The following MGAT5 variants were observed in gnomAD, a reference collection of about 807,000 sequenced individuals.
MGAT5 encodes alpha-1,6-mannosylglycoprotein 6-beta-N-acetylglucosaminyltransferase, also known as alpha-1,6-mannosylglycoprotein 6-beta-N-acetylglucosaminyltransferase A.
A neutral mutation model predicts 94.3 loss-of-function variants in MGAT5; 30 were observed. That is an observed-to-expected ratio of 0.32 (90% CI 0.24 to 0.43). MGAT5 has a LOEUF of 0.43. MGAT5 is among the 20% of genes least tolerant of loss of function. MGAT5 has a pLI of 1.00. For missense variants in MGAT5, 691 were observed against 905.5 expected, an observed-to-expected ratio of 0.76 and a Z score of 3.04; for synonymous variants, 310 against 322.9, an observed-to-expected ratio of 0.96 and a Z score of 0.43.
chr2:134,367,034 G>C lies in MGAT5; in HGVS notation c.1380+4626G>C, dbSNP rs146742414. Among the ~76,000 whole-genome samples the C allele has an allele frequency of 3.5e-3, 539 of 152,312 alleles. 3 individuals carry two copies. The highest frequency in any genetic ancestry group is 0.012 in the African/African-American group (501 of 41,560). On this transcript the variant is annotated intron_variant, in intron 10 of 15. Coordinates refer to ENST00000281923, the MANE Select transcript of MGAT5 (RefSeq NM_002410.5). ...CTGTGGTGAGCAGTGGGCTCTGAGA[G>C]GAGGTGAGAGGCACAGTGTCTTCCT... is the stretch of plus-strand genomic sequence containing the variant.
In MGAT5 at chr2:134,428,376, C is replaced by T. The variant is rs747163332; in HGVS notation, c.1806C>T (p.Tyr602=). The T allele has an allele frequency of 6.2e-7, 1 of 1,614,058 alleles. No individual in the cohort carries two copies. The highest frequency in any genetic ancestry group is 8.5e-7 in the Non-Finnish European group (1 of 1,179,936). The part of the protein sequence containing the change: ...KAILNQKIEP[Y]MPYEFTCEGM... ...CTCTGTTTCCACAGATTGAGCCATA[C>T]ATGCCATATGAATTTACGTGCGAGG... Residue 602 remains tyrosine, a synonymous_variant, in exon 14 of 16, where the codon TAC becomes TAT. Coordinates refer to ENST00000281923, the MANE Select transcript of MGAT5 (RefSeq NM_002410.5).
chr2:134,296,614 A>G (rs1010465847), intron 2 of MGAT5, among the ~76,000 whole-genome samples: 2 of 152,188 alleles, frequency 1.3e-5, no homozygotes, highest in Admixed American at 1.3e-4. Context: ...ACAGTAAAAA[A>G]TAGAAAATCT....
intron 2 of MGAT5, among the ~76,000 whole-genome samples, chr2:134,297,154 G>A (rs1685722304): frequency 7.3e-6 from 1 of 137,692 alleles, no homozygotes; most frequent in Non-Finnish European, 1.5e-5. Context: ...CCTTGATTGT[G>A]CCCCTACAGT....
chr2:134,290,417 G>A (rs1294759436), intron 2 of MGAT5, among the ~76,000 whole-genome samples: 1 of 111,248 alleles, frequency 9.0e-6, no homozygotes, highest in Non-Finnish European at 2.1e-5. Context: ...ATTGGGGACT[G>A]ATGATCTAGT....
At chr2:134,436,791 C>T (rs1436845303) in intron 14 of MGAT5, among the ~76,000 whole-genome samples, 1 of 152,204 alleles carries the variant, frequency 6.6e-6, no homozygotes, top group Non-Finnish European at 1.5e-5. Context: ...TTCTGCTCAG[C>T]TCCATGTCTT....
chr2:134,241,705 C>A (rs1681981035), intron 1 of MGAT5, among the ~76,000 whole-genome samples: 1 of 152,074 alleles, frequency 6.6e-6, no homozygotes, highest in East Asian at 1.9e-4. Flanking sequence ...CTATCTTTCT[C>A]ATATATATGT....
At chr2:134,153,297 C>T (rs757918282) in intron 1 of MGAT5, among the ~76,000 whole-genome samples, 2 of 152,196 alleles carry the variant, frequency 1.3e-5, no homozygotes, top group Non-Finnish European at 2.9e-5. Context: ...GAATATTGAT[C>T]CCCTTAAGCC....
chr2:134,395,138 C>T (rs1682634074), intron 10 of MGAT5, among the ~76,000 whole-genome samples: 2 of 152,170 alleles, frequency 1.3e-5, no homozygotes, highest in African/African-American at 4.8e-5. Flanking sequence ...AGGACCATGC[C>T]AATCAGAGTA....
chr2:134,228,582 G>T (rs62165731), intron 1 of MGAT5, among the ~76,000 whole-genome samples: 2,359 of 152,248 alleles, frequency 0.015, 30 homozygotes, highest in Non-Finnish European at 0.026. Context: ...TTTGCAGCTG[G>T]TACAATGTTA....
At chr2:134,214,866 T>C (rs1181001121) in intron 1 of MGAT5, among the ~76,000 whole-genome samples, 3 of 152,126 alleles carry the variant, frequency 2.0e-5, no homozygotes, top group Admixed American at 6.5e-5. Context: ...ATCCCACATG[T>C]AGAGCTTGAT....
Position 134,448,827 on chromosome 2 carries a change from C to T in MGAT5, c.2206C>T (p.Leu736Phe). The change falls in exon 16 of 16, where the codon CTC becomes TTC. Residue 736 changes from leucine (L) to phenylalanine (F), a missense_variant. Leu to Phe is a conservative substitution (Grantham distance 22). Transcript: ENST00000281923. ...CRDFIKGQVA[L>F]CKDCL The stretch of plus-strand genomic sequence containing the variant: ...GGACTTCATCAAGGGCCAGGTGGCT[C>T]TCTGCAAAGACTGCCTATAGCAGCT... The T allele has an allele frequency of 6.2e-7, 1 of 1,613,584 alleles. No homozygotes were observed. Among genetic ancestry groups the T allele is most frequent in the Non-Finnish European group, 8.5e-7 (1 of 1,179,990 alleles).
intron 11 of MGAT5, 49 bp from the exon 12 acceptor site, chr2:134,412,820 A>G (rs1345656985): frequency 1.9e-6 from 3 of 1,597,876 alleles, no homozygotes; most frequent in Middle Eastern, 1.7e-4. Context: ...GTCCTGCCTG[A>G]TGGTCCTGCC....
At chr2:134,356,929 C>T (rs1264173607) in intron 9 of MGAT5, among the ~76,000 whole-genome samples, 1 of 152,144 alleles carries the variant, frequency 6.6e-6, no homozygotes, top group African/African-American at 2.4e-5. Context: ...CAACTTTCTC[C>T]TCCCCTTCCC....
At chr2:134,176,239 T>C (rs1345825623) in intron 1 of MGAT5, among the ~76,000 whole-genome samples, 1 of 151,986 alleles carries the variant, frequency 6.6e-6, no homozygotes, top group Non-Finnish European at 1.5e-5. Flanking sequence ...GGGAATTGGC[T>C]GAAGAGTTTT....
At chr2:134,401,670 C>T in intron 10 of MGAT5, among the ~76,000 whole-genome samples, 1 of 152,220 alleles carries the variant, frequency 6.6e-6, no homozygotes, top group East Asian at 1.9e-4. Context: ...TTAATGAATT[C>T]AGCATCTTGC....
chr2:134,297,186 G>C (rs570142923), intron 2 of MGAT5, among the ~76,000 whole-genome samples: 2 of 100,840 alleles, frequency 2.0e-5, no homozygotes, highest in Admixed American at 2.7e-4. Context: ...AACAGACTGA[G>C]ACCTGGTCTC....
At chr2:134,330,330 G>A in intron 4 of MGAT5, among the ~76,000 whole-genome samples, 1 of 152,136 alleles carries the variant, frequency 6.6e-6, no homozygotes, top group East Asian at 1.9e-4. Flanking sequence ...CCCAGATTCA[G>A]TTATCTTTCC....
At chr2:134,174,639 C>T (rs75379044) in intron 1 of MGAT5, among the ~76,000 whole-genome samples, 9,055 of 152,222 alleles carry the variant, frequency 0.059, 642 homozygotes, top group African/African-American at 0.17. Flanking sequence ...TAATTTGAGA[C>T]AAGTCATGGG....
At chr2:134,364,987 T>C (rs931128484) in intron 10 of MGAT5, among the ~76,000 whole-genome samples, 1 of 152,238 alleles carries the variant, frequency 6.6e-6, no homozygotes, top group African/African-American at 2.4e-5. Context: ...CAGGATGTTT[T>C]ATCAGTCGTC....
Sources: gnomAD v4.1 joint callset for allele counts (sites outside exome capture counted in the v4.1 genomes callset) on GRCh38, gnomAD v4.1.1 for gene constraint, MANE v1.5 for transcripts, NCBI Gene and HGNC (gene_info 2026-07-23, HGNC 2026-07-21) for gene names.